Variants in NT5DC1 observed in about 807,000 individuals in gnomAD.
NT5DC1 encodes 5'-nucleotidase domain-containing protein 1.
NT5DC1 carries 42 observed loss-of-function variants against 59.4 expected under a neutral mutation model. That is an observed-to-expected ratio of 0.71 (90% CI 0.55 to 0.92). The LOEUF is 0.92. Ranked by LOEUF, NT5DC1 falls within the 40% of genes least tolerant of loss-of-function variation. NT5DC1 has a pLI of 0.00. For missense variants in NT5DC1, 501 were observed against 537.1 expected, an observed-to-expected ratio of 0.93 and a Z score of 0.66; for synonymous variants, 172 against 188.1, an observed-to-expected ratio of 0.91 and a Z score of 0.70.
intron 6 of NT5DC1, chr6:116,120,214 A>C (rs1404258873): frequency 2.5e-6 from 4 of 1,614,036 alleles, no homozygotes; most frequent in Non-Finnish European, 2.5e-6. Context: ...CTGAAGCCTG[A>C]TCCAGGTAGC....
intron 6 of NT5DC1, chr6:116,121,508 C>G (rs754873544): frequency 3.7e-6 from 6 of 1,614,198 alleles, no homozygotes; most frequent in Non-Finnish European, 4.2e-6. Context: ...GCCTGGAAGA[C>G]CCCTCTCACC....
intron 6 of NT5DC1, chr6:116,120,303 C>T (rs1376587002): frequency 6.2e-7 from 1 of 1,614,234 alleles, no homozygotes; most frequent in South Asian, 1.1e-5. Flanking sequence ...GTCCCTTTCA[C>T]ATGCACGTGG....
chr6:116,236,365 C>G (rs1782114018), intron 8 of NT5DC1, among the ~76,000 whole-genome samples: 2 of 152,166 alleles, frequency 1.3e-5, no homozygotes, highest in Admixed American at 6.5e-5. Context: ...AGACATTTAC[C>G]TCTTTCACTA....
intron 1 of NT5DC1, among the ~76,000 whole-genome samples, chr6:116,104,184 A>G (rs1453914152): frequency 6.6e-6 from 1 of 152,206 alleles, no homozygotes; most frequent in African/African-American, 2.4e-5. Flanking sequence ...TGCCTAGACC[A>G]GGGGTTTCAG....
At chr6:116,121,997 G>T (rs1353064604) in intron 6 of NT5DC1, 12 of 1,564,968 alleles carry the variant, frequency 7.7e-6, no homozygotes, top group Non-Finnish European at 8.8e-6. Context: ...CCCATAGAAG[G>T]GGATGGTTAG....
chr6:116,243,257 C>T (rs960312701), intron 11 of NT5DC1, among the ~76,000 whole-genome samples: 1 of 152,176 alleles, frequency 6.6e-6, no homozygotes, highest in African/African-American at 2.4e-5. Flanking sequence ...TATTAGGTCT[C>T]ATTCACCAGT....
intron 3 of NT5DC1, 48 bp downstream of exon 3, chr6:116,108,483 C>A: frequency 9.6e-7 from 1 of 1,036,902 alleles, no homozygotes; most frequent in Non-Finnish European, 1.5e-6. Flanking sequence ...CTCTGAGACA[C>A]TTTATTACTG....
Position 116,244,261 on chromosome 6 carries a change from AT to A in NT5DC1, c.*239del, listed in dbSNP as rs1348085391. 1 of 288,372 alleles carries A rather than the reference AT, an allele frequency of 3.5e-6. No individual in the cohort carries two copies. The highest frequency in any genetic ancestry group is 2.2e-5 in the African/African-American group (1 of 45,366). The allele number at this position is 288,372 out of a possible 1,614,324, so 17.9% of individuals were successfully genotyped here. A position where few individuals can be genotyped will look rare whatever the true frequency, so the allele number is the denominator to read the frequency against. ...ATATTTTCTATACAGTAGTTTTGTG[AT>A]TAGAATTCACCTGGGGACACACACT... On this transcript the variant is annotated 3_prime_UTR_variant, in exon 12 of 12. Transcript: ENST00000319550.
chr6:116,201,487 C>T (rs1453017812), intron 6 of NT5DC1, among the ~76,000 whole-genome samples: 3 of 152,110 alleles, frequency 2.0e-5, no homozygotes, highest in East Asian at 1.9e-4. Flanking sequence ...CCTAATGAGA[C>T]CAGTGACTTA....
chr6:116,240,352 A>G (rs192120566), intron 11 of NT5DC1, among the ~76,000 whole-genome samples: 12 of 152,346 alleles, frequency 7.9e-5, no homozygotes, highest in Admixed American at 4.6e-4. Flanking sequence ...AAAATATAGT[A>G]TAATAACTAT....
chr6:116,231,226 C>T (rs1782014834), intron 8 of NT5DC1, among the ~76,000 whole-genome samples: 1 of 147,342 alleles, frequency 6.8e-6, no homozygotes, highest in South Asian at 2.2e-4. Context: ...TTATAGCCCT[C>T]AACACAAGCA....
At chr6:116,164,230 C>T (rs1482663300) in intron 6 of NT5DC1, among the ~76,000 whole-genome samples, 1 of 151,948 alleles carries the variant, frequency 6.6e-6, no homozygotes, top group South Asian at 2.1e-4. Flanking sequence ...ATTTTATTTT[C>T]TTAGGTGTAG....
rs1227103381 is a variant in NT5DC1, at chr6:116,239,042, G to C, written c.1171G>C (p.Asp391His). Residue 391 changes from aspartate to histidine, a missense_variant, in exon 11 of 12, where the codon GAC (aspartate) becomes CAC (histidine). Asp to His is a moderately conservative substitution (Grantham distance 81). Coordinates refer to ENST00000319550, the MANE Select transcript of NT5DC1 (RefSeq NM_152729.3). ...AGTTTTGGGACTGGAAAATACAGAA[G>C]ACTCCTTGGTTTATACATGGTCTTG... ...DSVLGLENTEDSLVYTWSCKR... is the reference protein window; with the variant it reads ...DSVLGLENTEHSLVYTWSCKR... 2.5e-6 allele frequency: 4 copies of C among 1,608,196 alleles called. No homozygotes were observed. The Admixed American group carries it at 6.7e-5, about 27-fold the overall frequency.
chr6:116,158,800 A>G (rs1562143672), intron 6 of NT5DC1: 1 of 152,162 alleles, frequency 6.6e-6, no homozygotes, highest in African/African-American at 2.4e-5. Flanking sequence ...TTATACTTTT[A>G]TACAAAGCTC....
chr6:116,236,893 C>G, intron 8 of NT5DC1, 73 bp from the exon 9 acceptor site: 6 of 880,736 alleles, frequency 6.8e-6, no homozygotes, highest in Non-Finnish European at 1.1e-5. Context: ...GTAGCCATGC[C>G]CTAAGTGTGG....
At chr6:116,137,075 C>A in intron 6 of NT5DC1, 1 of 212,222 alleles carries the variant, frequency 4.7e-6, no homozygotes, top group South Asian at 9.3e-5. Flanking sequence ...ACCGTCTCTT[C>A]ATGCCACACA....
At chr6:116,192,583 G>C (rs1290337543) in intron 6 of NT5DC1, among the ~76,000 whole-genome samples, 1 of 151,940 alleles carries the variant, frequency 6.6e-6, no homozygotes, top group African/African-American at 2.4e-5. Flanking sequence ...TTGATATAAA[G>C]TCAAAAATCA....
intron 6 of NT5DC1, among the ~76,000 whole-genome samples, chr6:116,159,862 G>A (rs530502667): frequency 4.6e-5 from 7 of 152,156 alleles, no homozygotes; most frequent in Non-Finnish European, 7.4e-5. Context: ...GAGAACATGC[G>A]ATATTTGTTT....
At chr6:116,172,061 A>G (rs1303819456) in intron 6 of NT5DC1, among the ~76,000 whole-genome samples, 1 of 152,164 alleles carries the variant, frequency 6.6e-6, no homozygotes, top group Non-Finnish European at 1.5e-5. Flanking sequence ...TTCCATCCAC[A>G]CATCTATGGT....
Sources: allele counts gnomAD v4.1 joint callset (sites outside exome capture counted in the v4.1 genomes callset), GRCh38; gene constraint gnomAD v4.1.1; transcripts MANE v1.5; gene names NCBI Gene and HGNC (gene_info 2026-07-23, HGNC 2026-07-21).